Variants in CTNNA3 observed in about 807,000 individuals in gnomAD.
The protein encoded by CTNNA3 is catenin alpha 3, also known as catenin alpha-3.
A neutral mutation model predicts 95.7 loss-of-function variants in CTNNA3; 76 were observed. That is an observed-to-expected ratio of 0.79 (90% CI 0.66 to 0.96). CTNNA3 has a LOEUF of 0.96. Ranked by LOEUF, CTNNA3 falls within the 40% of genes least tolerant of loss-of-function variation. The pLI, the probability that CTNNA3 is intolerant of heterozygous loss-of-function variation, is 0.00. For synonymous variants in CTNNA3, 431 were observed against 374.4 expected (o/e 1.15, Z -1.74); for missense variants, 1,191 against 1,089.8 (o/e 1.09, Z -1.31).
intron 5 of CTNNA3, among the ~76,000 whole-genome samples, chr10:67,228,624 T>C (rs1298069564): frequency 1.4e-5 from 2 of 146,076 alleles, no homozygotes; most frequent in African/African-American, 5.2e-5. Flanking sequence ...AAAAAAAAAA[T>C]AGAAAGAAAC....
chr10:66,043,384 GGAGTTACTCAT>G (rs2133503293), intron 15 of CTNNA3, among the ~76,000 whole-genome samples: 1 of 152,198 alleles, frequency 6.6e-6, no homozygotes, highest in Non-Finnish European at 1.5e-5. Flanking sequence ...AGAGCACTGT[GGAGTTACTCAT>G]GTCTTTTTTT....
At chr10:67,464,857 T>C (rs1250707812) in intron 5 of CTNNA3, among the ~76,000 whole-genome samples, 2 of 146,026 alleles carry the variant, frequency 1.4e-5, no homozygotes, top group East Asian at 4.3e-4. Context: ...TTCAAAACTG[T>C]AGGTAAGAAA....
chr10:66,484,348 A>G, intron 11 of CTNNA3, among the ~76,000 whole-genome samples: 1 of 152,100 alleles, frequency 6.6e-6, no homozygotes, highest in Non-Finnish European at 1.5e-5. Flanking sequence ...TTTCAGTTTA[A>G]AGTTTTAAAA....
chr10:66,612,223 C>T (rs568843894), intron 10 of CTNNA3, among the ~76,000 whole-genome samples: 18 of 152,196 alleles, frequency 1.2e-4, no homozygotes, highest in African/African-American at 4.3e-4. Flanking sequence ...CTTATTCCTA[C>T]ATCTCTTATT....
In CTNNA3 at chr10:66,365,475, C is replaced by T. The variant is rs576860976; in HGVS notation, c.1732+13677G>A. On this transcript the variant is annotated intron_variant, in intron 12 of 17. Coordinates refer to ENST00000433211, the MANE Select transcript of CTNNA3 (RefSeq NM_013266.4). ...GAGTGCAGCAAACCACCAGGGCACG[C>T]GTATACCTATGTAACAAAACTGCAA... Among the ~76,000 whole-genome samples the T allele has an allele frequency of 2.6e-5, 4 of 152,070 alleles. 1 individual carries two copies. Among genetic ancestry groups the T allele is most frequent in the South Asian group, 4.1e-4 (2 of 4,820 alleles).
chr10:66,597,511 CAT>C (rs369390875), intron 10 of CTNNA3, among the ~76,000 whole-genome samples: 7,384 of 70,166 alleles, frequency 0.11, 145 homozygotes, highest in Non-Finnish European at 0.12. Context: ...TTATTTCATA[CAT>C]ATATATATAT....
intron 7 of CTNNA3, among the ~76,000 whole-genome samples, chr10:66,864,689 AG>A (rs1399014699): frequency 1.3e-5 from 2 of 152,270 alleles, no homozygotes; most frequent in Admixed American, 1.3e-4. Context: ...ATAAAAAAAA[AG>A]TTTCTATTTT....
intron 10 of CTNNA3, among the ~76,000 whole-genome samples, chr10:66,526,892 G>T (rs1164049537): frequency 1.3e-5 from 2 of 152,140 alleles, no homozygotes; most frequent in Non-Finnish European, 1.5e-5. Flanking sequence ...TCTTTGGGTT[G>T]CCTCTTCCCT....
Position 66,160,631 on chromosome 10 carries a change from G to A in CTNNA3, c.1885-57382C>T, listed in dbSNP as rs148003932. On this transcript the variant is annotated intron_variant, in intron 13 of 17. Transcript: ENST00000433211. ...GTCTATCTTGGAGAAAGTTTCATGCGCTGTTGAATAAAATGTGTATTCTGT... is the reference window on the plus strand; with the variant it reads ...GTCTATCTTGGAGAAAGTTTCATGCACTGTTGAATAAAATGTGTATTCTGT... Among the ~76,000 whole-genome samples the A allele has an allele frequency of 3.3e-3, 507 of 152,070 alleles. 2 individuals are homozygous for A. Among genetic ancestry groups the A allele is most frequent in the African/African-American group, 0.011 (459 of 41,508 alleles).
At chr10:67,609,398 G>A (rs1843385452) in intron 2 of CTNNA3, among the ~76,000 whole-genome samples, 1 of 151,922 alleles carries the variant, frequency 6.6e-6, no homozygotes, top group African/African-American at 2.4e-5. Flanking sequence ...TGTTTATGGA[G>A]CATTCGATGT....
At chr10:66,464,563 G>C (rs1217890027) in intron 11 of CTNNA3, among the ~76,000 whole-genome samples, 1 of 152,012 alleles carries the variant, frequency 6.6e-6, no homozygotes, top group African/African-American at 2.4e-5. Flanking sequence ...AGGAGTTCGA[G>C]ACCAGCCTGG....
At chr10:66,446,633 G>A (rs61867235) in intron 11 of CTNNA3, among the ~76,000 whole-genome samples, 30,778 of 151,918 alleles carry the variant, frequency 0.2, 3,438 homozygotes, top group South Asian at 0.3. Flanking sequence ...AACCCTTCAT[G>A]CTAAAAACTC....
At chr10:67,630,491 G>A (rs534107784) in intron 2 of CTNNA3, among the ~76,000 whole-genome samples, 263 of 152,280 alleles carry the variant, frequency 1.7e-3, no homozygotes, top group African/African-American at 5.8e-3. Context: ...CATGTAGCTT[G>A]AGCAGGAAAT....
At chr10:66,566,687 C>T (rs747690952) in intron 10 of CTNNA3, among the ~76,000 whole-genome samples, 4 of 152,058 alleles carry the variant, frequency 2.6e-5, no homozygotes, top group Non-Finnish European at 5.9e-5. Context: ...CAAGAGGCAA[C>T]CCCTGCTACT....
At chr10:66,026,323 T>C (rs2079335122) in intron 15 of CTNNA3, among the ~76,000 whole-genome samples, 1 of 152,232 alleles carries the variant, frequency 6.6e-6, no homozygotes, top group Non-Finnish European at 1.5e-5. Context: ...TAATGTTTAC[T>C]TTGATTAAGG....
Position 66,103,208 on chromosome 10 carries a change from T to C in CTNNA3, c.1926A>G (p.Glu642=). ...TGCTGGTGTGACTGCGGACCTCGTG[T>C]TCCTCTTCAAGGTCAGAAACATCCT... ...ELEDVSDLEE[E]HEVRSHTSIQ... Residue 642 remains glutamate, a synonymous_variant, in exon 14 of 18, where the codon GAA becomes GAG. Transcript: ENST00000433211. 1.2e-6 allele frequency: 2 copies of C among 1,614,170 alleles called. No individual in the cohort carries two copies. The highest frequency in any genetic ancestry group is 1.7e-6 in the Non-Finnish European group (2 of 1,179,992).
At chr10:66,521,947 T>C (rs1385228405) in intron 10 of CTNNA3, among the ~76,000 whole-genome samples, 1 of 152,152 alleles carries the variant, frequency 6.6e-6, no homozygotes, top group African/African-American at 2.4e-5. Flanking sequence ...CTGGGCAAAA[T>C]GGTTTGGATA....
intron 5 of CTNNA3, among the ~76,000 whole-genome samples, chr10:67,281,996 A>G (rs1279503362): frequency 6.6e-6 from 1 of 152,154 alleles, no homozygotes; most frequent in Non-Finnish European, 1.5e-5. Flanking sequence ...ACGCAGAGAG[A>G]GTTGCCAATC....
chr10:67,232,457 A>C (rs1276113037), intron 5 of CTNNA3, among the ~76,000 whole-genome samples: 1 of 152,186 alleles, frequency 6.6e-6, no homozygotes, highest in Non-Finnish European at 1.5e-5. Context: ...AGAGAAGCAA[A>C]TCCTGAGAGA....
Sources: gnomAD v4.1 joint callset for allele counts (sites outside exome capture counted in the v4.1 genomes callset) on GRCh38, gnomAD v4.1.1 for gene constraint, MANE v1.5 for transcripts, NCBI Gene and HGNC (gene_info 2026-07-23, HGNC 2026-07-21) for gene names.